The following CCT3 variants were observed in gnomAD, a reference collection of about 807,000 sequenced individuals.
CCT3 encodes T-complex protein 1 subunit gamma.
CCT3 carries 10 observed loss-of-function variants against 65.3 expected under a neutral mutation model. The observed-to-expected ratio is 0.15, with a 90% CI of 0.09 to 0.26. The LOEUF (loss-of-function observed/expected upper bound fraction) is 0.26. Among genes scored for constraint, CCT3 ranks in the 10% least tolerant of loss-of-function variants. The pLI is 1.00. For synonymous variants in CCT3, 225 were observed against 242.3 expected, an observed-to-expected ratio of 0.93 and a Z score of 0.66; for missense variants, 626 against 708.7, an observed-to-expected ratio of 0.88 and a Z score of 1.33.
chr1:156,336,841 A>T (rs1294039783), intron 1 of CCT3, among the ~76,000 whole-genome samples: 3 of 152,126 alleles, frequency 2.0e-5, no homozygotes, highest in African/African-American at 7.2e-5. Flanking sequence ...CATCTATCTC[A>T]GGGAGCTGTA....
intron 8 of CCT3, 22 bp from the exon 9 acceptor site, chr1:156,317,569 C>T (rs2249790): frequency 0.26 from 421,106 of 1,598,244 alleles, 57,864 homozygotes; most frequent in East Asian, 0.27. Flanking sequence ...AGAAAAGACA[C>T]TGATTTTAAA....
In CCT3 at chr1:156,334,926, A is replaced by G. The variant is rs201539859; in HGVS notation, c.94-8T>C. 112 of 1,613,684 alleles carry G rather than the reference A, an allele frequency of 6.9e-5. No individual in the cohort carries two copies. The East Asian group carries it at 2.3e-3, about 34-fold the overall frequency. ...GATGATATCTGCAATAGTCTAATGG[A>G]AAGGGAACATAAAATACGCAAGCAC... On this transcript the variant is annotated splice_polypyrimidine_tract_variant and splice_region_variant and intron_variant, in intron 2 of 13. Transcript: ENST00000295688.
intron 5 of CCT3, among the ~76,000 whole-genome samples, chr1:156,330,670 A>G (rs1193870285): frequency 6.6e-6 from 1 of 151,958 alleles, no homozygotes; most frequent in Non-Finnish European, 1.5e-5. Context: ...ACACAAAAAT[A>G]AATAAATAAA....
At chr1:156,317,917 T>C (rs1262943155) in intron 8 of CCT3, among the ~76,000 whole-genome samples, 1 of 152,074 alleles carries the variant, frequency 6.6e-6, no homozygotes, top group Non-Finnish European at 1.5e-5. Flanking sequence ...TTTCACCACG[T>C]TAGCCAGGAT....
Position 156,338,243 on chromosome 1 carries a change from G to C in CCT3, c.-59C>G. ...GGGGGAACCGGCAGAACCTTCTGGAGAGAGAGAACCAGACAGAAGCCCAGA... is the reference window on the plus strand; with the variant it reads ...GGGGGAACCGGCAGAACCTTCTGGACAGAGAGAACCAGACAGAAGCCCAGA... On this transcript the variant is annotated 5_prime_UTR_variant, in exon 1 of 14. Transcript: ENST00000295688. 2.0e-6 allele frequency: 3 copies of C among 1,478,918 alleles called. No homozygotes were observed. Among genetic ancestry groups the C allele is most frequent in the Non-Finnish European group, 2.7e-6 (3 of 1,099,268 alleles). 91.6% of individuals were successfully genotyped at this position (1,478,918 alleles called of 1,614,324 possible). A position where few individuals can be genotyped will look rare whatever the true frequency, so the allele number is the denominator to read the frequency against.
intron 4 of CCT3, among the ~76,000 whole-genome samples, chr1:156,334,449 C>A (rs1171342605): frequency 1.3e-5 from 2 of 152,212 alleles, no homozygotes; most frequent in East Asian, 3.9e-4. Context: ...CAAGTTCATG[C>A]CAAAGAAAGC....
rs146568475 is a variant in CCT3, at chr1:156,313,509, G to A, written c.975-1288C>T. On this transcript the variant is annotated intron_variant, in intron 10 of 13. Coordinates refer to ENST00000295688, the MANE Select transcript of CCT3 (RefSeq NM_005998.5). ...AAAGAGAAGGGAGCACCAGGATTTTGTGCAAAGGAGTTAGCCTGTCCCTTG... is the reference window on the plus strand; with the variant it reads ...AAAGAGAAGGGAGCACCAGGATTTTATGCAAAGGAGTTAGCCTGTCCCTTG... Among the ~76,000 whole-genome samples, 8 of 152,298 alleles carry A rather than the reference G, an allele frequency of 5.3e-5. No individual in the cohort carries two copies. In the East Asian group the frequency reaches 1.5e-3, roughly 29 times the overall value.
At position 156,321,036 on chromosome 1, in the gene CCT3, G is replaced by A. The variant is rs200364623; in HGVS notation, c.423-11C>T. ...ATGTCGACTGGGATACTAGAGAAAA[G>A]AAAACCAGACGATATGTGAAGAAGG... On this transcript the variant is annotated splice_polypyrimidine_tract_variant and intron_variant, in intron 6 of 13. Coordinates refer to ENST00000295688, the MANE Select transcript of CCT3 (RefSeq NM_005998.5). 8.4e-4 allele frequency: 1,344 copies of A among 1,608,778 alleles called. 3 individuals are homozygous for A. The highest frequency in any genetic ancestry group is 7.5e-4 in the Non-Finnish European group (886 of 1,175,702).
rs141644009 is a variant in CCT3 at position 156,310,623 on chromosome 1, T to A, written c.1468A>T (p.Met490Leu). 52 of 1,613,994 alleles carry A rather than the reference T, an allele frequency of 3.2e-5. No individual in the cohort carries two copies. Among genetic ancestry groups the A allele is most frequent in the Non-Finnish European group, 4.1e-5 (48 of 1,179,950 alleles). ...VNGETGTLVD[M>L]KELGIWEPLA... ...GGCTCCCATATGCCCAGTTCCTTCA[T>A]GTCCACCAAAGTACCCGTCTCACCA... is the stretch of plus-strand genomic sequence containing the variant. Residue 490 changes from methionine to leucine, a missense_variant, in exon 13 of 14, where the codon ATG (methionine) becomes TTG (leucine). By Grantham distance (15) the Met-to-Leu change is conservative (BLOSUM62 2). Coordinates refer to ENST00000295688, the MANE Select transcript of CCT3 (RefSeq NM_005998.5).
At chr1:156,329,212 C>T (rs1453292049) in intron 5 of CCT3, among the ~76,000 whole-genome samples, 1 of 152,054 alleles carries the variant, frequency 6.6e-6, no homozygotes, top group African/African-American at 2.4e-5. Context: ...TATAGTAGGC[C>T]GTACCACCCA....
intron 7 of CCT3, among the ~76,000 whole-genome samples, chr1:156,320,402 T>C (rs1487400908): frequency 6.6e-6 from 1 of 151,998 alleles, no homozygotes; most frequent in Non-Finnish European, 1.5e-5. Flanking sequence ...AGAGCAAGAC[T>C]CCATCTCAAA....
intron 7 of CCT3, among the ~76,000 whole-genome samples, chr1:156,320,356 C>T (rs1212169152): frequency 6.6e-6 from 1 of 152,050 alleles, no homozygotes; most frequent in African/African-American, 2.4e-5. Flanking sequence ...TACAGTGAGC[C>T]GAGATCGCAC....
At chr1:156,333,682 A>C (rs748348440) in intron 4 of CCT3, 39 bp from the exon 5 acceptor site, 1 of 1,485,310 alleles carries the variant, frequency 6.7e-7, no homozygotes. Context: ...CACTATTCAA[A>C]GACCTCTGAA....
chr1:156,309,961 C>G (rs1228901237), intron 13 of CCT3, among the ~76,000 whole-genome samples: 3 of 144,122 alleles, frequency 2.1e-5, no homozygotes, highest in Admixed American at 7.4e-5. Context: ...TCACTTGAAC[C>G]TGGGAGGTGG....
intron 1 of CCT3, among the ~76,000 whole-genome samples, chr1:156,336,512 T>C (rs924362537): frequency 2.6e-5 from 4 of 152,200 alleles, no homozygotes; most frequent in African/African-American, 9.6e-5. Context: ...ATAAATTATA[T>C]AGTCACCTCA....
intron 7 of CCT3, among the ~76,000 whole-genome samples, chr1:156,319,352 G>A (rs953988020): frequency 4.6e-5 from 7 of 151,834 alleles, no homozygotes; most frequent in Non-Finnish European, 7.4e-5. Context: ...TCCTGACCTC[G>A]TGATCCGCCC....
chr1:156,309,574 G>A (rs1663990228), intron 13 of CCT3, among the ~76,000 whole-genome samples: 1 of 151,902 alleles, frequency 6.6e-6, no homozygotes, highest in Non-Finnish European at 1.5e-5. Context: ...TTACAGGCCT[G>A]CACCACCATG....
chr1:156,316,180 T>C (rs1375063355), intron 10 of CCT3, among the ~76,000 whole-genome samples: 1 of 152,132 alleles, frequency 6.6e-6, no homozygotes, highest in African/African-American at 2.4e-5. Flanking sequence ...CAATATAGTA[T>C]AGCAACTATT....
At chr1:156,337,896 G>T (rs899383164) in intron 1 of CCT3, 2 of 537,630 alleles carry the variant, frequency 3.7e-6, no homozygotes, top group South Asian at 5.1e-5. Context: ...GACAGAACGC[G>T]GAGTGGGAAA....
Sources: gnomAD v4.1 joint callset for allele counts (sites outside exome capture counted in the v4.1 genomes callset) on GRCh38, gnomAD v4.1.1 for gene constraint, MANE v1.5 for transcripts, NCBI Gene and HGNC (gene_info 2026-07-23, HGNC 2026-07-21) for gene names.